Variants in AGAP1 observed in about 807,000 individuals in gnomAD.
AGAP1 encodes the protein arf-GAP with GTPase, ANK repeat and PH domain-containing protein 1.
AGAP1 carries 29 observed loss-of-function variants against 105.3 expected under a neutral mutation model. That is an observed-to-expected ratio of 0.28 (90% confidence interval 0.21 to 0.38). The LOEUF (loss-of-function observed/expected upper bound fraction) is 0.38. AGAP1 is among the 10% of genes least tolerant of loss of function. AGAP1 has a pLI of 1.00. For missense variants in AGAP1, 998 were observed against 1,165.1 expected, an observed-to-expected ratio of 0.86 and a Z score of 2.09; for synonymous variants, 509 against 485.9, an observed-to-expected ratio of 1.05 and a Z score of -0.63.
rs149433285 is a variant in AGAP1 at position 235,930,537 on chromosome 2, C to T, written c.1325-228C>T. On this transcript the variant is annotated intron_variant, in intron 11 of 17. Transcript: ENST00000304032. The surrounding 1 kb of genome is among the most constrained non-coding windows in gnomAD (Gnocchi z 7.9). The stretch of plus-strand genomic sequence containing the variant: ...GTTCGGTGCGAGCCATCTGTGGCAT[C>T]GGGTCCCTTCACATTGCTTTGTCAG... 3.4e-3 allele frequency among the ~76,000 whole-genome samples: 517 copies of T among 152,282 alleles called. 2 individuals carry two copies. The South Asian group carries it at 0.039, about 11-fold the overall frequency.
At chr2:235,899,238 C>T (rs1170721234) in intron 10 of AGAP1, among the ~76,000 whole-genome samples, 4 of 152,122 alleles carry the variant, frequency 2.6e-5, no homozygotes, top group South Asian at 2.1e-4. Flanking sequence ...TTTGGCCGGG[C>T]GCGGTGGCTC....
Position 236,009,788 on chromosome 2 carries a change from A to G in AGAP1, c.1646-26773A>G, listed in dbSNP as rs1191466903. Among the ~76,000 whole-genome samples the G allele has an allele frequency of 6.6e-6, 1 of 152,194 alleles. No individual in the cohort carries two copies. The highest frequency in any genetic ancestry group is 2.4e-5 in the African/African-American group (1 of 41,440). On this transcript the variant is annotated intron_variant, in intron 13 of 17. Transcript: ENST00000304032. The surrounding 1 kb of genome is among the most constrained non-coding windows in gnomAD (Gnocchi z 4.2). ...TTCACGCCAAGGATGTAATTCATGC[A>G]CACTTGGACGTCCAACATGGCTGAC...
At chr2:235,941,846 T>TG (rs1345905336) in intron 12 of AGAP1, among the ~76,000 whole-genome samples, 2 of 92,492 alleles carry the variant, frequency 2.2e-5, no homozygotes, top group Non-Finnish European at 4.2e-5. Flanking sequence ...GGAGCTTTGT[T>TG]GTTGGGGGGG....
Position 235,832,011 on chromosome 2 carries a change from G to A in AGAP1, c.1050+24680G>A, listed in dbSNP as rs952740168. Among the ~76,000 whole-genome samples the A allele has an allele frequency of 6.6e-5, 10 of 152,186 alleles. 1 individual carries two copies. The highest frequency in any genetic ancestry group is 1.2e-4 in the Non-Finnish European group (8 of 68,044). Reference sequence around the variant, plus strand: ...TTAGACTTTGGCCATTCTAATGTGTGTATAGTGGTATCCCCTGGTCATTTT... The same window carrying A: ...TTAGACTTTGGCCATTCTAATGTGTATATAGTGGTATCCCCTGGTCATTTT... On this transcript the variant is annotated intron_variant, in intron 9 of 17. Transcript: ENST00000304032.
chr2:235,712,905 T>C lies in AGAP1; in HGVS notation c.222+3668T>C, dbSNP rs1950923750. On this transcript the variant is annotated intron_variant, in intron 2 of 17. Transcript: ENST00000304032. The surrounding 1 kb of genome is among the most constrained non-coding windows in gnomAD (Gnocchi z 6.0). Reference sequence around the variant, plus strand: ...CTTGAAACGGCATTTTGACCCCTTATTTTATTTTCCTTTCACCATCAACTG... The same window carrying C: ...CTTGAAACGGCATTTTGACCCCTTACTTTATTTTCCTTTCACCATCAACTG... Among the ~76,000 whole-genome samples the C allele has an allele frequency of 6.6e-6, 1 of 152,224 alleles. No individual in the cohort carries two copies. Among genetic ancestry groups the C allele is most frequent in the South Asian group, 2.1e-4 (1 of 4,830 alleles).
rs1052988733 is a variant in AGAP1, at chr2:235,586,625, C to T, written c.163+91776C>T. Among the ~76,000 whole-genome samples the T allele has an allele frequency of 2.6e-5, 4 of 152,188 alleles. No homozygotes were observed. The highest frequency in any genetic ancestry group is 7.2e-5 in the African/African-American group (3 of 41,430). On this transcript the variant is annotated intron_variant, in intron 1 of 17. Transcript: ENST00000304032. The surrounding 1 kb of genome is among the most constrained non-coding windows in gnomAD (Gnocchi z 4.2). ...CTCTTGGTGATAATCCACACACTGT[C>T]CTGGGCCTTGGTTTTGCAGCATTTC...
rs146045569 is a variant in AGAP1, at chr2:235,665,655, T to C, written c.164-43524T>C. On this transcript the variant is annotated intron_variant, in intron 1 of 17. Coordinates refer to ENST00000304032, the MANE Select transcript of AGAP1 (RefSeq NM_001037131.3). The surrounding 1 kb of genome is among the most constrained non-coding windows in gnomAD (Gnocchi z 5.3). ...GTCTTGGTAATTGCTTCTTCTTACA[T>C]GTATCTGTCAGTCAACTGGCTACCA... 1.6e-4 allele frequency among the ~76,000 whole-genome samples: 24 copies of C among 152,296 alleles called. No individual in the cohort carries two copies. Among genetic ancestry groups the C allele is most frequent in the African/African-American group, 5.1e-4 (21 of 41,570 alleles).
rs1447224151 is a variant in AGAP1 at position 236,105,300 on chromosome 2, G to A, written c.2115-14892G>A. On this transcript the variant is annotated intron_variant, in intron 16 of 17. Coordinates refer to ENST00000304032, the MANE Select transcript of AGAP1 (RefSeq NM_001037131.3). The surrounding 1 kb of genome is among the most constrained non-coding windows in gnomAD (Gnocchi z 4.2). The stretch of plus-strand genomic sequence containing the variant: ...CGTCAACTTCAGTTTTAACACGATA[G>A]CCAGGTAAGGGGGAAAGATGGGCGG... 6.6e-6 allele frequency among the ~76,000 whole-genome samples: 1 copy of A among 152,162 alleles called. No homozygotes were observed. Among genetic ancestry groups the A allele is most frequent in the Non-Finnish European group, 1.5e-5 (1 of 68,036 alleles).
rs1261253927 is a variant in AGAP1, at chr2:235,716,042, A to G, written c.223-1515A>G. 6.6e-6 allele frequency among the ~76,000 whole-genome samples: 1 copy of G among 152,104 alleles called. No homozygotes were observed. The highest frequency in any genetic ancestry group is 1.5e-5 in the Non-Finnish European group (1 of 68,008). ...AGCTGGGGTGGACGGCGGCCAGGGG[A>G]TGCGATTTGGGAATAGGCAGCTTTT... On this transcript the variant is annotated intron_variant, in intron 2 of 17. Transcript: ENST00000304032. This position sits in a 1 kb window ranked among gnomAD's most constrained non-coding sequence, Gnocchi z 4.0.
intron 1 of AGAP1, among the ~76,000 whole-genome samples, chr2:235,699,905 G>C (rs1950171054): frequency 6.6e-6 from 1 of 152,190 alleles, no homozygotes; most frequent in African/African-American, 2.4e-5. Context: ...ATGTGTTTTG[G>C]AGGCAACCTC....
chr2:235,627,212 T>G, intron 1 of AGAP1, among the ~76,000 whole-genome samples: 1 of 148,164 alleles, frequency 6.7e-6, no homozygotes, highest in Admixed American at 6.8e-5. Flanking sequence ...TTTTTTTTTT[T>G]TTTTGATAGG....
At chr2:235,585,266 C>T (rs764178828) in intron 1 of AGAP1, among the ~76,000 whole-genome samples, 2 of 152,090 alleles carry the variant, frequency 1.3e-5, no homozygotes, top group African/African-American at 2.4e-5. Context: ...GGGGTAGACT[C>T]GATTTCCTTG....
rs1405645769 is a variant in AGAP1, at chr2:236,012,421, C to A, written c.1646-24140C>A. Among the ~76,000 whole-genome samples the A allele has an allele frequency of 6.6e-6, 1 of 152,122 alleles. No individual in the cohort carries two copies. The highest frequency in any genetic ancestry group is 1.5e-5 in the Non-Finnish European group (1 of 68,014). On this transcript the variant is annotated intron_variant, in intron 13 of 17. Transcript: ENST00000304032. This position sits in a 1 kb window ranked among gnomAD's most constrained non-coding sequence, Gnocchi z 4.9. ...ACTTGCGAAATACTGTCCCAGACAC[C>A]AGAGCTGCAGCAGTTAAAAATTAAG... is the stretch of plus-strand genomic sequence containing the variant.
rs147960920 is a variant in AGAP1 at position 235,760,841 on chromosome 2, G to A, written c.673+10353G>A. ...GGTCTCAAGTGATCCTCCTGTCTCA[G>A]CCTTCCAAAGTGTGATGGGATTATA... On this transcript the variant is annotated intron_variant, in intron 6 of 17. Transcript: ENST00000304032. Among the ~76,000 whole-genome samples the A allele has an allele frequency of 6.7e-4, 102 of 152,316 alleles. 1 individual carries two copies. Among genetic ancestry groups the A allele is most frequent in the African/African-American group, 2.4e-3 (100 of 41,568 alleles).
At chr2:235,595,471 G>GT (rs1407226697) in intron 1 of AGAP1, among the ~76,000 whole-genome samples, 1 of 152,172 alleles carries the variant, frequency 6.6e-6, no homozygotes, top group African/African-American at 2.4e-5. Flanking sequence ...CTGCTCCTGT[G>GT]TTTTTGTTCT....
intron 13 of AGAP1, among the ~76,000 whole-genome samples, chr2:236,025,608 G>A (rs12622451): frequency 1.3e-5 from 2 of 152,080 alleles, no homozygotes; most frequent in Non-Finnish European, 2.9e-5. Context: ...GATTAAACAC[G>A]GATTAAATCT....
At position 235,863,501 on chromosome 2, in the gene AGAP1, G is replaced by A. The variant is rs937482178; in HGVS notation, c.1051-19844G>A. Among the ~76,000 whole-genome samples the A allele has an allele frequency of 2.0e-5, 3 of 152,332 alleles. No individual in the cohort carries two copies. In the South Asian group the frequency reaches 6.2e-4, roughly 32 times the overall value. On this transcript the variant is annotated intron_variant, in intron 9 of 17. Transcript: ENST00000304032. Reference sequence around the variant, plus strand: ...GGACTGGCCTCCCGTCGAGTCCTCAGTTGGCACATGTGGCTGAGGGTGGCC... The same window carrying A: ...GGACTGGCCTCCCGTCGAGTCCTCAATTGGCACATGTGGCTGAGGGTGGCC...
At chr2:235,707,011 T>C (rs1575182661) in intron 1 of AGAP1, among the ~76,000 whole-genome samples, 1 of 152,266 alleles carries the variant, frequency 6.6e-6, no homozygotes, top group Non-Finnish European at 1.5e-5. Flanking sequence ...GCTAGTGCGT[T>C]CCTCGCATCA....
intron 16 of AGAP1, among the ~76,000 whole-genome samples, chr2:236,094,861 G>T (rs2059152886): frequency 7.1e-6 from 1 of 141,612 alleles, no homozygotes; most frequent in South Asian, 2.2e-4. Context: ...AAGGCAGGTG[G>T]ATCACTTGAG....
Sources: gnomAD v4.1 joint callset for allele counts (sites outside exome capture counted in the v4.1 genomes callset) on GRCh38, gnomAD v4.1.1 for gene constraint, Gnocchi (gnomAD v3.1) non-coding constraint, MANE v1.5 for transcripts, NCBI Gene and HGNC (gene_info 2026-07-23, HGNC 2026-07-21) for gene names.